The following MED12L variants were observed in gnomAD, a reference collection of about 807,000 sequenced individuals.
MED12L encodes the protein mediator of RNA polymerase II transcription subunit 12-like protein.
Under a neutral mutation model 281.3 loss-of-function variants are expected in MED12L, and 60 were observed. The observed-to-expected ratio is 0.21, with a 90% CI of 0.17 to 0.26. The LOEUF (loss-of-function observed/expected upper bound fraction) is 0.26, where lower values mean the gene tolerates loss of function less well. Among genes scored for constraint, MED12L ranks in the 10% least tolerant of loss-of-function variants. The pLI is 1.00. For synonymous variants in MED12L, 974 were observed against 987.2 expected (o/e 0.99, Z 0.25); for missense variants, 2,146 against 2,680.9 (o/e 0.80, Z 4.41).
rs141353889 is a variant in MED12L, at chr3:151,152,085, G to GTTTTTTTT, written c.557-4052_557-4045dup. On this transcript the variant is annotated intron_variant, in intron 5 of 44. Coordinates refer to ENST00000687756, the MANE Select transcript of MED12L (RefSeq NM_001393769.1). ...AAGAATTGTGGATCAGTTGAAGGTGGTTTTTTTTTTTTTTTTTTTTTTTTT... is the reference window on the plus strand; with the variant it reads ...AAGAATTGTGGATCAGTTGAAGGTGGTTTTTTTTTTTTTTTTTTTTTTTTTTTTTTTTT... 3.3e-4 allele frequency among the ~76,000 whole-genome samples: 21 copies of GTTTTTTTT among 63,020 alleles called. 3 individuals are homozygous for GTTTTTTTT. The highest frequency in any genetic ancestry group is 1.2e-3 in the African/African-American group (19 of 16,010). 41.3% of individuals were successfully genotyped at this position (63,020 alleles called of 152,430 possible).
intron 16 of MED12L, among the ~76,000 whole-genome samples, chr3:151,275,221 A>G (rs1455220584): frequency 6.6e-6 from 1 of 152,124 alleles, no homozygotes; most frequent in East Asian, 1.9e-4. Flanking sequence ...TTTTTCCCCA[A>G]GTGATCACAC....
intron 37 of MED12L, among the ~76,000 whole-genome samples, chr3:151,389,523 G>A (rs527570323): frequency 6.6e-6 from 1 of 152,294 alleles, no homozygotes; most frequent in Admixed American, 6.5e-5. Context: ...AACGATGTCT[G>A]GAAAATTGCA....
chr3:151,367,813 G>C (rs375820570), intron 24 of MED12L, 47 bp downstream of exon 24: 8 of 1,568,778 alleles, frequency 5.1e-6, no homozygotes, highest in Non-Finnish European at 6.9e-6. Flanking sequence ...TTGTTGTCTT[G>C]ATGGAGTGGT....
intron 41 of MED12L, among the ~76,000 whole-genome samples, chr3:151,411,884 T>C (rs1310202022): frequency 6.6e-6 from 1 of 152,232 alleles, no homozygotes; most frequent in African/African-American, 2.4e-5. Flanking sequence ...AATTTGTTGA[T>C]TGGAGCAATA....
chr3:151,259,615 A>G (rs529763875), intron 16 of MED12L, among the ~76,000 whole-genome samples: 7 of 152,344 alleles, frequency 4.6e-5, no homozygotes, highest in Admixed American at 1.3e-4. Context: ...AGGTCTTCAT[A>G]AACATCTGAA....
chr3:151,433,824 A>G lies in MED12L; in HGVS notation c.*1020A>G, dbSNP rs926570670. 6.6e-6 allele frequency: 1 copy of G among 152,638 alleles called. No homozygotes were observed. Among genetic ancestry groups the G allele is most frequent in the African/African-American group, 2.4e-5 (1 of 41,452 alleles). 9.5% of individuals were successfully genotyped at this position (152,638 alleles called of 1,614,324 possible). A position where few individuals can be genotyped will look rare whatever the true frequency, so the allele number is the denominator to read the frequency against. On this transcript the variant is annotated 3_prime_UTR_variant, in exon 45 of 45. Transcript: ENST00000687756. Reference sequence around the variant, plus strand: ...GTAAGTATTTGCTCTTTTGAATTTAATTATTACTGTCAGTGTCAGTCTTGG... The same window carrying G: ...GTAAGTATTTGCTCTTTTGAATTTAGTTATTACTGTCAGTGTCAGTCTTGG...
chr3:151,429,710 A>C (rs1719264355), intron 43 of MED12L, among the ~76,000 whole-genome samples: 4 of 152,132 alleles, frequency 2.6e-5, no homozygotes, highest in African/African-American at 9.7e-5. Context: ...CTGTATTTGC[A>C]TGGCCCTGGG....
At chr3:151,323,926 G>A (rs1749282355) in intron 16 of MED12L, among the ~76,000 whole-genome samples, 1 of 152,202 alleles carries the variant, frequency 6.6e-6, no homozygotes, top group African/African-American at 2.4e-5. Flanking sequence ...TGAGGTTGTT[G>A]AAGCCCATTC....
At chr3:151,113,984 A>C (rs918815974) in intron 2 of MED12L, among the ~76,000 whole-genome samples, 1 of 152,194 alleles carries the variant, frequency 6.6e-6, no homozygotes, top group African/African-American at 2.4e-5. Flanking sequence ...AATGTTTCTT[A>C]TAATACTCTG....
rs573476560 is a variant in MED12L, at chr3:151,282,364, T to G, written c.2251-67695T>G. On this transcript the variant is annotated intron_variant, in intron 16 of 44. Transcript: ENST00000687756. ...TATAATTTAGTTTTTTTTTGTTTTTTTTTGTTTGTTTGTTTGTTTTGCTGG... is the reference window on the plus strand; with the variant it reads ...TATAATTTAGTTTTTTTTTGTTTTTGTTTGTTTGTTTGTTTGTTTTGCTGG... Among the ~76,000 whole-genome samples the G allele has an allele frequency of 3.3e-4, 49 of 150,682 alleles. 1 individual carries two copies. Among genetic ancestry groups the G allele is most frequent in the Non-Finnish European group, 4.4e-4 (30 of 67,974 alleles).
chr3:151,124,455 A>G (rs1714205477), intron 4 of MED12L, among the ~76,000 whole-genome samples: 1 of 152,240 alleles, frequency 6.6e-6, no homozygotes, highest in African/African-American at 2.4e-5. Flanking sequence ...TGAGCATTTC[A>G]AGAATCCTTC....
At chr3:151,150,621 A>G (rs538746661) in intron 5 of MED12L, among the ~76,000 whole-genome samples, 1 of 152,208 alleles carries the variant, frequency 6.6e-6, no homozygotes, top group Non-Finnish European at 1.5e-5. Context: ...TTTTCTAGCT[A>G]TGAAAGTCCT....
At chr3:151,116,240 A>G in intron 2 of MED12L, 98 bp from the exon 3 acceptor site, 1 of 767,504 alleles carries the variant, frequency 1.3e-6, no homozygotes, top group East Asian at 2.7e-5. Flanking sequence ...TCTCCTCTAC[A>G]GAGTATAACA....
chr3:151,209,865 C>G (rs1477891196), intron 16 of MED12L, among the ~76,000 whole-genome samples: 1 of 152,026 alleles, frequency 6.6e-6, no homozygotes, highest in East Asian at 1.9e-4. Flanking sequence ...TAGATAAAGC[C>G]AGTGTATCAC....
intron 31 of MED12L, 86 bp downstream of exon 31, chr3:151,378,259 ACC>A: frequency 3.1e-6 from 4 of 1,278,212 alleles, no homozygotes; most frequent in Non-Finnish European, 4.2e-6. Flanking sequence ...TGGTCACTGT[ACC>A]CACAGTCCAC....
At chr3:151,129,894 A>C (rs1055381037) in intron 5 of MED12L, among the ~76,000 whole-genome samples, 9 of 151,946 alleles carry the variant, frequency 5.9e-5, no homozygotes, top group Non-Finnish European at 1.0e-4. Context: ...TCAGCCTCTC[A>C]AGTTGTTGGG....
chr3:151,205,261 CCCTTA>C (rs1559875471), intron 16 of MED12L, among the ~76,000 whole-genome samples: 1 of 152,154 alleles, frequency 6.6e-6, no homozygotes, highest in Non-Finnish European at 1.5e-5. Context: ...AGTTATTTTT[CCCTTA>C]CCTTGGTCAT....
chr3:151,195,390 A>G (rs1485422362), intron 16 of MED12L, among the ~76,000 whole-genome samples: 1 of 152,072 alleles, frequency 6.6e-6, no homozygotes, highest in Admixed American at 6.5e-5. Context: ...GGGCCATTTC[A>G]AAACTTGTCA....
At chr3:151,395,258 T>G (rs912889699) in intron 39 of MED12L, among the ~76,000 whole-genome samples, 1 of 152,212 alleles carries the variant, frequency 6.6e-6, no homozygotes, top group African/African-American at 2.4e-5. Flanking sequence ...TTTAGACTTA[T>G]TACTGTGAGG....
Sources: allele counts gnomAD v4.1 joint callset (sites outside exome capture counted in the v4.1 genomes callset), GRCh38; gene constraint gnomAD v4.1.1; transcripts MANE v1.5; gene names NCBI Gene and HGNC (gene_info 2026-07-23, HGNC 2026-07-21).